The following TNRC6C variants were observed in gnomAD, a reference collection of about 807,000 sequenced individuals.
The protein encoded by TNRC6C is trinucleotide repeat containing adaptor 6C.
TNRC6C carries 20 observed loss-of-function variants against 153.7 expected under a neutral mutation model. The ratio of observed to expected loss-of-function variants is 0.13; its 90% CI spans 0.09 to 0.19. The LOEUF is 0.19. Ranked by LOEUF, TNRC6C falls within the 10% of genes least tolerant of loss-of-function variation. TNRC6C has a pLI of 1.00. For missense variants in TNRC6C, 1,987 were observed against 2,172.0 expected (o/e 0.91, Z 1.69); for synonymous variants, 811 against 841.4 (o/e 0.96, Z 0.63).
At chr17:78,000,631 CA>C (rs1248901331), upstream of TNRC6C, among the ~76,000 whole-genome samples, 40 of 56,344 alleles carry the variant, frequency 7.1e-4, 1 homozygote, top group South Asian at 2.0e-3. Flanking sequence ...CCCCCCCCCC[CA>C]CACACACACA....
chr17:78,076,989 A>T (rs1598763499), intron 8 of TNRC6C, among the ~76,000 whole-genome samples, 196 bp from the exon 11 acceptor site: 1 of 152,256 alleles, frequency 6.6e-6, no homozygotes, highest in East Asian at 1.9e-4. Context: ...TTTTAAACTG[A>T]AAACAGCATC....
intron 7 of TNRC6C, 98 bp downstream of exon 9, chr17:78,073,192 C>T (rs1028257903): frequency 2.8e-6 from 3 of 1,059,720 alleles, no homozygotes; most frequent in Admixed American, 2.3e-5. Flanking sequence ...GTTAATATGT[C>T]CTGGGTAGAC....
chr17:77,958,386 G>A (rs1381155857), upstream of TNRC6C, among the ~76,000 whole-genome samples: 2 of 151,986 alleles, frequency 1.3e-5, no homozygotes, highest in African/African-American at 2.4e-5. Flanking sequence ...GGACTGGCGC[G>A]CGTCCCGGCC....
chr17:77,996,562 G>A (rs1176890026), intron 1 of TNRC6C, among the ~76,000 whole-genome samples: 1 of 152,176 alleles, frequency 6.6e-6, no homozygotes, highest in African/African-American at 2.4e-5. Flanking sequence ...CCCTTGGTCA[G>A]GGGACGGCAA....
At chr17:77,990,487 A>G (rs9913363) in intron 1 of TNRC6C, among the ~76,000 whole-genome samples, 2,532 of 152,232 alleles carry the variant, frequency 0.017, 83 homozygotes, top group African/African-American at 0.058. Flanking sequence ...TTTCTCAAAC[A>G]TCCTGTGTGC....
chr17:78,022,354 A>C (rs2071850578), intron 1 of TNRC6C, among the ~76,000 whole-genome samples: 1 of 152,260 alleles, frequency 6.6e-6, no homozygotes. Context: ...CAAATGTCTT[A>C]GAATTTGGTG....
intron 9 of TNRC6C, among the ~76,000 whole-genome samples, chr17:78,077,941 A>G (rs1598764721): frequency 6.6e-6 from 1 of 152,186 alleles, no homozygotes; most frequent in African/African-American, 2.4e-5. Context: ...GAAATGTTGT[A>G]CCAAAAAACA....
chr17:78,006,859 C>G, intron 1 of TNRC6C, among the ~76,000 whole-genome samples: 1 of 147,954 alleles, frequency 6.8e-6, no homozygotes, highest in Non-Finnish European at 1.5e-5. Flanking sequence ...GAGTCTTGCT[C>G]TATCGCCCAG....
At chr17:77,992,973 AT>A (rs1014818131) in intron 1 of TNRC6C, among the ~76,000 whole-genome samples, 6 of 149,874 alleles carry the variant, frequency 4.0e-5, no homozygotes, top group African/African-American at 7.3e-5. Flanking sequence ...TTTTATTTTT[AT>A]TTTTTTTTTG....
intron 3 of TNRC6C, among the ~76,000 whole-genome samples, chr17:78,059,760 G>T (rs992884483): frequency 2.6e-5 from 4 of 150,960 alleles, no homozygotes; most frequent in Non-Finnish European, 4.4e-5. Context: ...GAGGCAGGAG[G>T]ATCACCAGAG....
chr17:78,029,126 C>T (rs986744532), intron 1 of TNRC6C, among the ~76,000 whole-genome samples: 1 of 152,192 alleles, frequency 6.6e-6, no homozygotes, highest in African/African-American at 2.4e-5. Flanking sequence ...ATTCATTATT[C>T]GCACAGTAGG....
At chr17:78,098,498 G>A in exon 17 of TNRC6C, 3 of 1,613,766 alleles carry the variant, frequency 1.9e-6, no homozygotes, top group Non-Finnish European at 2.5e-6. Flanking sequence ...CTCCACCTGG[G>A]GTGCCAGCCC....
intron 11 of TNRC6C, 32 bp downstream of exon 13, chr17:78,083,198 C>T (rs573737791): frequency 3.8e-5 from 61 of 1,612,058 alleles, no homozygotes; most frequent in South Asian, 1.4e-4. Context: ...AGTTAGAGCA[C>T]GCAGGCCGAG....
intron 1 of TNRC6C, 106 bp from the exon 4 acceptor site, chr17:78,031,410 C>A: frequency 1.2e-6 from 1 of 844,924 alleles, no homozygotes; most frequent in Non-Finnish European, 1.6e-6. Flanking sequence ...CAAAGCACTA[C>A]ATTGTCATTT....
At chr17:78,082,799 G>A (rs141832402) in intron 10 of TNRC6C, among the ~76,000 whole-genome samples, 1 of 152,212 alleles carries the variant, frequency 6.6e-6, no homozygotes, top group African/African-American at 2.4e-5. Flanking sequence ...GCTCTCTGCA[G>A]GGGGAAGCAC....
intron 16 of TNRC6C, among the ~76,000 whole-genome samples, chr17:78,096,640 G>A (rs374555931): frequency 2.0e-5 from 3 of 152,170 alleles, no homozygotes; most frequent in Non-Finnish European, 4.4e-5. Context: ...TTCAGAAACC[G>A]TCCGATTCTG....
chr17:78,099,025 CATAAT>C (rs1485245465), intron 17 of TNRC6C, among the ~76,000 whole-genome samples: 1 of 152,250 alleles, frequency 6.6e-6, no homozygotes, highest in East Asian at 1.9e-4. Flanking sequence ...AAACAACTCT[CATAAT>C]ATTGCAGCTT....
intron 11 of TNRC6C, among the ~76,000 whole-genome samples, chr17:78,084,434 G>A (rs12952922): frequency 6.6e-6 from 1 of 151,402 alleles, no homozygotes. Flanking sequence ...CTGTTTTTTA[G>A]ACACATGTCC....
intron 2 of TNRC6C, among the ~76,000 whole-genome samples, chr17:78,043,926 AT>A (rs2072352490): frequency 6.6e-6 from 1 of 152,158 alleles, no homozygotes; most frequent in Non-Finnish European, 1.5e-5. Context: ...ACAGTATTCC[AT>A]TGTGTATATC....
Sources: allele counts gnomAD v4.1 joint callset (sites outside exome capture counted in the v4.1 genomes callset), GRCh38; gene constraint gnomAD v4.1.1; transcripts MANE v1.5; gene names NCBI Gene and HGNC (gene_info 2026-07-23, HGNC 2026-07-21).